NOL10: variants seen among roughly 807,000 people sequenced by gnomAD.
NOL10 encodes nucleolar protein 10.
In NOL10, 58 loss-of-function variants were observed where a neutral mutation model predicts 103.5. The ratio of observed to expected loss-of-function variants is 0.56; its 90% confidence interval spans 0.45 to 0.70. NOL10 has a LOEUF of 0.70. Among genes scored for constraint, NOL10 ranks in the 30% least tolerant of loss-of-function variants. NOL10 has a pLI of 0.00. For synonymous variants in NOL10, 287 were observed against 282.5 expected (o/e 1.02, Z -0.16); for missense variants, 763 against 807.3 (o/e 0.95, Z 0.67).
chr2:10,644,147 T>C lies in NOL10; in HGVS notation c.1026+173A>G, dbSNP rs924164352. 3.3e-5 allele frequency among the ~76,000 whole-genome samples: 5 copies of C among 151,792 alleles called. 1 individual carries two copies. Among genetic ancestry groups the C allele is most frequent in the South Asian group, 4.2e-4 (2 of 4,788 alleles). ...CACCTGTAATCCCAGCTACAGGAGG[T>C]TGAGGTAGGAGAATCACTTGAACCC... On this transcript the variant is annotated intron_variant, in intron 13 of 20. Coordinates refer to ENST00000381685, the MANE Select transcript of NOL10 (RefSeq NM_024894.4).
At chr2:10,585,735 C>A (rs1299584423) in intron 19 of NOL10, among the ~76,000 whole-genome samples, 1 of 152,156 alleles carries the variant, frequency 6.6e-6, no homozygotes. Context: ...AACCTGTGCA[C>A]ACCCTCTCCT....
At chr2:10,669,310 G>C (rs1207459626) in intron 6 of NOL10, among the ~76,000 whole-genome samples, 3 of 151,176 alleles carry the variant, frequency 2.0e-5, no homozygotes, top group African/African-American at 7.3e-5. Flanking sequence ...GGCTGGTCTT[G>C]AACTCCTGAC....
chr2:10,630,221 C>T (rs1035702667), intron 13 of NOL10, among the ~76,000 whole-genome samples: 1 of 152,214 alleles, frequency 6.6e-6, no homozygotes, highest in African/African-American at 2.4e-5. Context: ...CTTACAATAT[C>T]ATTCCTCTTT....
intron 8 of NOL10, among the ~76,000 whole-genome samples, chr2:10,664,266 T>C (rs914896922): frequency 1.3e-5 from 2 of 151,188 alleles, no homozygotes; most frequent in Non-Finnish European, 2.9e-5. Flanking sequence ...CCGTCTCTAC[T>C]AAAAATACAA....
chr2:10,667,309 ATTAG>A lies in NOL10; in HGVS notation c.531-35_531-32del, dbSNP rs762431954. On this transcript the variant is annotated intron_variant, in intron 7 of 20. Transcript: ENST00000381685. ...ACAGGAAAGCAGTAAGAAAGAATGA[ATTAG>A]TTAGCACCTACTTTAGTGGGGAAGG... The A allele has an allele frequency of 3.8e-4, 555 of 1,457,524 alleles. 1 individual carries two copies. Among genetic ancestry groups the A allele is most frequent in the Non-Finnish European group, 5.1e-4 (538 of 1,057,098 alleles). The allele number at this position is 1,457,524 out of a possible 1,614,324, so 90.3% of individuals were successfully genotyped here.
intron 5 of NOL10, 138 bp downstream of exon 5, chr2:10,673,382 C>T: frequency 4.2e-6 from 2 of 472,870 alleles, no homozygotes; most frequent in Non-Finnish European, 7.4e-6. Flanking sequence ...ACTACACAGC[C>T]ATTTTTGTTT....
chr2:10,660,642 C>T (rs972761430), intron 9 of NOL10, among the ~76,000 whole-genome samples: 5 of 152,070 alleles, frequency 3.3e-5, no homozygotes, highest in African/African-American at 1.2e-4. Flanking sequence ...TCGAGTTTTA[C>T]AATTTTTGTT....
At chr2:10,642,774 C>T (rs1678794156) in intron 13 of NOL10, among the ~76,000 whole-genome samples, 1 of 152,180 alleles carries the variant, frequency 6.6e-6, no homozygotes, top group Non-Finnish European at 1.5e-5. Flanking sequence ...AAAGTCTCTC[C>T]CTCTGGGAAG....
intron 12 of NOL10, among the ~76,000 whole-genome samples, chr2:10,651,428 T>C (rs1679446841): frequency 6.6e-6 from 1 of 152,138 alleles, no homozygotes; most frequent in Non-Finnish European, 1.5e-5. Context: ...TTAAAAATGG[T>C]AAAATTAATT....
At chr2:10,653,207 A>G (rs1041984023) in intron 12 of NOL10, among the ~76,000 whole-genome samples, 8 of 152,102 alleles carry the variant, frequency 5.3e-5, no homozygotes, top group African/African-American at 1.9e-4. Context: ...AAAAAAAAAA[A>G]AAACCACACA....
chr2:10,626,401 A>G (rs1677469165), intron 13 of NOL10, among the ~76,000 whole-genome samples: 1 of 152,188 alleles, frequency 6.6e-6, no homozygotes, highest in South Asian at 2.1e-4. Flanking sequence ...ACACTGAATC[A>G]AAGTAGAGAT....
At chr2:10,584,513 A>AG (rs34235474) in intron 19 of NOL10, among the ~76,000 whole-genome samples, 90,005 of 152,014 alleles carry the variant, frequency 0.59, 27,654 homozygotes, top group African/African-American at 0.74. Flanking sequence ...TTATAGAAAC[A>AG]TTTTAAAGCT....
At chr2:10,611,931 AAAC>A (rs924228512) in intron 13 of NOL10, among the ~76,000 whole-genome samples, 1 of 152,046 alleles carries the variant, frequency 6.6e-6, no homozygotes, top group Admixed American at 6.6e-5. Flanking sequence ...TAAAAAAACA[AAAC>A]AAAACAAAAA....
chr2:10,587,878 C>T lies in NOL10; in HGVS notation c.1844+1165G>A, dbSNP rs180723752. The stretch of plus-strand genomic sequence containing the variant: ...TTCGGAGAAAACACCTTCTCCTGCA[C>T]GGAGAGCTGGGAGCTGGAGAAGTAC... On this transcript the variant is annotated intron_variant, in intron 19 of 20. Transcript: ENST00000381685. 4.6e-5 allele frequency among the ~76,000 whole-genome samples: 7 copies of T among 152,264 alleles called. No homozygotes were observed. The East Asian group carries it at 7.7e-4, about 17-fold the overall frequency.
chr2:10,651,543 T>G (rs1392596459), intron 12 of NOL10, among the ~76,000 whole-genome samples: 2 of 152,208 alleles, frequency 1.3e-5, no homozygotes, highest in Non-Finnish European at 2.9e-5. Context: ...TCGTAGAATG[T>G]CTTTTAAATC....
At chr2:10,636,388 C>A (rs1224893369) in intron 13 of NOL10, among the ~76,000 whole-genome samples, 2 of 100,852 alleles carry the variant, frequency 2.0e-5, no homozygotes, top group Non-Finnish European at 3.6e-5. Flanking sequence ...CCAGCCTGGG[C>A]AACATAGTGA....
chr2:10,596,568 G>A (rs1026656329), intron 17 of NOL10, among the ~76,000 whole-genome samples: 3 of 152,154 alleles, frequency 2.0e-5, no homozygotes, highest in African/African-American at 7.2e-5. Context: ...CCACTGACCT[G>A]ACAGGAGGTG....
At chr2:10,607,043 A>G (rs988377035) in intron 14 of NOL10, 142 bp downstream of exon 14, 2 of 487,122 alleles carry the variant, frequency 4.1e-6, no homozygotes, top group Non-Finnish European at 6.9e-6. Flanking sequence ...ACAATTTATA[A>G]TATGTTTAAT....
intron 17 of NOL10, among the ~76,000 whole-genome samples, chr2:10,599,511 G>A (rs555765253): frequency 6.6e-6 from 1 of 152,262 alleles, no homozygotes; most frequent in South Asian, 2.1e-4. Flanking sequence ...GTGTAACTTA[G>A]GAAGGTGCAG....
Sources: gnomAD v4.1 joint callset for allele counts (sites outside exome capture counted in the v4.1 genomes callset) on GRCh38, gnomAD v4.1.1 for gene constraint, MANE v1.5 for transcripts, NCBI Gene and HGNC (gene_info 2026-07-23, HGNC 2026-07-21) for gene names.